Variants in TRPM3 observed in about 807,000 individuals in gnomAD.
TRPM3 encodes the protein transient receptor potential cation channel subfamily M member 3.
TRPM3 carries 77 observed loss-of-function variants against 181.2 expected under a neutral mutation model. That is an observed-to-expected ratio of 0.42 (90% CI 0.35 to 0.51). The LOEUF (loss-of-function observed/expected upper bound fraction) is 0.51. TRPM3 is among the 20% of genes least tolerant of loss of function. The pLI is 0.01. For missense variants in TRPM3, 1,759 were observed against 2,196.7 expected (o/e 0.80, Z 3.98); for synonymous variants, 745 against 796.4 (o/e 0.94, Z 1.09).
chr9:71,340,287 T>C (rs780387194), intron 1 of TRPM3, among the ~76,000 whole-genome samples: 1 of 152,142 alleles, frequency 6.6e-6, no homozygotes, highest in Non-Finnish European at 1.5e-5. Flanking sequence ...CAGTATGGAC[T>C]GATGGTTTTG....
At chr9:71,180,050 C>CTTTTTTTTTTTTTTTT (rs35877663) in intron 1 of TRPM3, among the ~76,000 whole-genome samples, 7 of 101,186 alleles carry the variant, frequency 6.9e-5, no homozygotes, top group African/African-American at 2.6e-4. Context: ...ATACATCCTT[C>CTTTTTTTTTTTTTTTT]TTTTTTTTTT....
chr9:70,827,570 A>G (rs1187583721), intron 6 of TRPM3: 2 of 259,750 alleles, frequency 7.7e-6, no homozygotes, highest in Non-Finnish European at 1.5e-5. Context: ...AAAAGTCTGA[A>G]GAGAAAGCTT....
intron 1 of TRPM3, among the ~76,000 whole-genome samples, chr9:70,980,578 G>A (rs1229688910): frequency 6.6e-6 from 1 of 152,072 alleles, no homozygotes; most frequent in Non-Finnish European, 1.5e-5. Flanking sequence ...TCTGCTTCTT[G>A]TTCTTATTTT....
chr9:71,142,327 A>C (rs1010568174), intron 1 of TRPM3, among the ~76,000 whole-genome samples: 1 of 152,132 alleles, frequency 6.6e-6, no homozygotes, highest in Admixed American at 6.6e-5. Context: ...TTACCTTCAA[A>C]ACAAACCCTA....
At chr9:70,916,487 A>C (rs908776304) in intron 1 of TRPM3, among the ~76,000 whole-genome samples, 2 of 152,170 alleles carry the variant, frequency 1.3e-5, no homozygotes, top group Non-Finnish European at 2.9e-5. Flanking sequence ...AAAAAGTTAA[A>C]AAGTGGGGGG....
chr9:70,742,230 T>A (rs192894787), intron 8 of TRPM3, among the ~76,000 whole-genome samples: 195 of 152,074 alleles, frequency 1.3e-3, no homozygotes, highest in African/African-American at 4.6e-3. Flanking sequence ...AAATGGAAAA[T>A]GCACCAAAGT....
At chr9:71,142,812 A>G (rs1395456792) in intron 1 of TRPM3, among the ~76,000 whole-genome samples, 1 of 141,986 alleles carries the variant, frequency 7.0e-6, no homozygotes, top group Non-Finnish European at 1.5e-5. Flanking sequence ...CACAGTATTC[A>G]AAGAAGTTTT....
At chr9:71,065,507 T>G (rs1470825422) in intron 1 of TRPM3, among the ~76,000 whole-genome samples, 2 of 152,154 alleles carry the variant, frequency 1.3e-5, no homozygotes, top group African/African-American at 4.8e-5. Context: ...ATCACAGAAT[T>G]CTGTGACTCA....
intron 1 of TRPM3, among the ~76,000 whole-genome samples, chr9:71,097,556 T>A (rs968487778): frequency 7.9e-5 from 12 of 152,194 alleles, no homozygotes; most frequent in African/African-American, 2.9e-4. Context: ...TCCAATCCTG[T>A]ATTCCTCTCT....
At chr9:70,649,314 G>A (rs945692931) in intron 9 of TRPM3, among the ~76,000 whole-genome samples, 1 of 151,512 alleles carries the variant, frequency 6.6e-6, no homozygotes, top group African/African-American at 2.4e-5. Flanking sequence ...TCAGCCTCCC[G>A]AGTAGCTGGG....
At chr9:71,029,593 T>C (rs1034888563) in intron 1 of TRPM3, among the ~76,000 whole-genome samples, 4 of 152,178 alleles carry the variant, frequency 2.6e-5, no homozygotes, top group Admixed American at 6.5e-5. Flanking sequence ...ACCATGATAA[T>C]GTATAGACAA....
At chr9:71,136,638 G>A (rs1260096498) in intron 1 of TRPM3, among the ~76,000 whole-genome samples, 1 of 152,156 alleles carries the variant, frequency 6.6e-6, no homozygotes, top group African/African-American at 2.4e-5. Context: ...GCTGCTCCCA[G>A]GTGTGTTTCT....
At chr9:71,349,130 A>G (rs1223575836) in intron 1 of TRPM3, among the ~76,000 whole-genome samples, 1 of 152,172 alleles carries the variant, frequency 6.6e-6, no homozygotes, top group Non-Finnish European at 1.5e-5. Flanking sequence ...TGCCTGCTCC[A>G]ATGGTAATTC....
At chr9:70,932,804 T>C (rs960145203) in intron 1 of TRPM3, among the ~76,000 whole-genome samples, 49 of 152,158 alleles carry the variant, frequency 3.2e-4, no homozygotes, top group Non-Finnish European at 7.3e-5. Context: ...GAAGGGCTTT[T>C]TTTGTGGTGG....
chr9:70,926,065 A>G (rs1194482223), intron 1 of TRPM3, among the ~76,000 whole-genome samples: 1 of 151,982 alleles, frequency 6.6e-6, no homozygotes, highest in East Asian at 1.9e-4. Context: ...TCAAACAACT[A>G]TCACTCATCC....
chr9:70,578,984 T>TGGTG (rs1172957840), intron 22 of TRPM3, among the ~76,000 whole-genome samples: 1 of 151,964 alleles, frequency 6.6e-6, no homozygotes, highest in Non-Finnish European at 1.5e-5. Context: ...CTTTGCTGGG[T>TGGTG]GGTGGTTAGG....
intron 1 of TRPM3, among the ~76,000 whole-genome samples, chr9:71,136,390 A>G (rs1465241105): frequency 6.6e-6 from 1 of 152,042 alleles, no homozygotes; most frequent in Non-Finnish European, 1.5e-5. Context: ...AAACATGGAC[A>G]CTCCATCTAG....
chr9:71,401,197 C>CA (rs59425467), intron 1 of TRPM3, among the ~76,000 whole-genome samples: 41,013 of 104,876 alleles, frequency 0.39, 8,011 homozygotes, highest in South Asian at 0.46. Context: ...GACACCATCG[C>CA]AAAAAAAAAA....
chr9:71,411,353 C>T (rs2093546033), intron 1 of TRPM3, among the ~76,000 whole-genome samples: 1 of 152,150 alleles, frequency 6.6e-6, no homozygotes, highest in South Asian at 2.1e-4. Context: ...TCTAGAAAAC[C>T]ACATCGTCTC....
Sources: gnomAD v4.1 joint callset for allele counts (sites outside exome capture counted in the v4.1 genomes callset) on GRCh38, gnomAD v4.1.1 for gene constraint, MANE v1.5 for transcripts, NCBI Gene and HGNC (gene_info 2026-07-23, HGNC 2026-07-21) for gene names.